PIEZO2: variants seen among roughly 807,000 people sequenced by gnomAD.
The protein encoded by PIEZO2 is piezo-type mechanosensitive ion channel component 2.
A neutral mutation model predicts 337.3 loss-of-function variants in PIEZO2; 172 were observed. The observed-to-expected ratio is 0.51, with a 90% CI of 0.45 to 0.58. PIEZO2 has a LOEUF of 0.58. Among genes scored for constraint, PIEZO2 ranks in the 20% least tolerant of loss-of-function variants. PIEZO2 has a pLI of 0.00. For missense variants in PIEZO2, 3,028 were observed against 3,391.3 expected (o/e 0.89, Z 2.66); for synonymous variants, 1,251 against 1,228.5 (o/e 1.02, Z -0.38).
At chr18:10,897,233 C>A (rs1177893009) in intron 4 of PIEZO2, among the ~76,000 whole-genome samples, 3 of 151,672 alleles carry the variant, frequency 2.0e-5, no homozygotes, top group African/African-American at 4.8e-5. Context: ...GTCTCCCAGG[C>A]TGAAGTGCAG....
chr18:10,689,558 C>T, intron 49 of PIEZO2, 97 bp downstream of exon 49: 2 of 1,543,246 alleles, frequency 1.3e-6, no homozygotes, highest in Non-Finnish European at 1.8e-6. Flanking sequence ...GTTTTTGCCT[C>T]ATGCCTTCAT....
intron 2 of PIEZO2, among the ~76,000 whole-genome samples, chr18:11,019,805 A>G (rs2036247816): frequency 6.6e-6 from 1 of 152,196 alleles, no homozygotes; most frequent in African/African-American, 2.4e-5. Context: ...CTATCTCATC[A>G]TCTTGTTTGT....
intron 7 of PIEZO2, among the ~76,000 whole-genome samples, chr18:10,840,727 A>T (rs1040969792): frequency 6.6e-6 from 1 of 152,214 alleles, no homozygotes; most frequent in Non-Finnish European, 1.5e-5. Flanking sequence ...ATTCTACATA[A>T]ATGAATTGGA....
chr18:10,682,249 T>C lies in PIEZO2; in HGVS notation c.7541A>G (p.Lys2514Arg). Residue 2514 changes from lysine to arginine, a missense_variant, in exon 50 of 56, where the codon AAG becomes AGG. By Grantham distance (26) the Lys-to-Arg change is conservative (BLOSUM62 2). This residue lies in a region of PIEZO2 where 179 missense variants were observed against 281.8 expected (regional missense o/e 0.64). Transcript: ENST00000674853. The surrounding 1 kb of genome is among the most constrained non-coding windows in gnomAD (Gnocchi z 5.6). Reference protein sequence around the residue: ...PRGQKKKKVVKYGMGGMIIVL... With the variant: ...PRGQKKKKVVRYGMGGMIIVL... The stretch of plus-strand genomic sequence containing the variant: ...GATGATCATTCCTCCCATGCCATAC[T>C]TCACCACTTTCTTCTTCTTCTGGCC... 1.3e-6 allele frequency: 2 copies of C among 1,537,228 alleles called. No individual in the cohort carries two copies. Among genetic ancestry groups the C allele is most frequent in the Middle Eastern group, 1.7e-4 (1 of 5,990 alleles).
intron 3 of PIEZO2, among the ~76,000 whole-genome samples, chr18:10,958,196 T>C (rs558530620): frequency 6.8e-4 from 103 of 152,268 alleles, no homozygotes; most frequent in African/African-American, 2.4e-3. Flanking sequence ...TACTATACAG[T>C]CTTTAAAAAG....
At chr18:10,678,008 C>A (rs1456835127) in intron 52 of PIEZO2, 133 bp from the exon 53 acceptor site, 1 of 847,502 alleles carries the variant, frequency 1.2e-6, no homozygotes, top group Non-Finnish European at 1.7e-6. Context: ...CAATCCTGAC[C>A]CTTTCAGTCT....
At chr18:10,909,725 G>T (rs1196344401) in intron 4 of PIEZO2, among the ~76,000 whole-genome samples, 1 of 152,178 alleles carries the variant, frequency 6.6e-6, no homozygotes, top group Non-Finnish European at 1.5e-5. Flanking sequence ...GTATGTTTTA[G>T]ATGTTTCATA....
chr18:10,777,059 T>A (rs2144036957), intron 18 of PIEZO2, among the ~76,000 whole-genome samples: 2 of 152,328 alleles, frequency 1.3e-5, no homozygotes, highest in Middle Eastern at 6.8e-3. Flanking sequence ...ATAATACGCA[T>A]GATGATGAAC....
Position 10,682,379 on chromosome 18 carries a change from C to T in PIEZO2, c.7498-87G>A. ...GGATTGGGGGAGAGCGAGTGCTCTTCCTGTGGTGCTGGGAACATGGATTTG... is the reference window on the plus strand; with the variant it reads ...GGATTGGGGGAGAGCGAGTGCTCTTTCTGTGGTGCTGGGAACATGGATTTG... On this transcript the variant is annotated intron_variant, in intron 49 of 55. Coordinates refer to ENST00000674853, the MANE Select transcript of PIEZO2 (RefSeq NM_001378183.1). This position sits in a 1 kb window ranked among gnomAD's most constrained non-coding sequence, Gnocchi z 5.6. 1 of 1,195,350 alleles carries T rather than the reference C, an allele frequency of 8.4e-7. No individual in the cohort carries two copies. Among genetic ancestry groups the T allele is most frequent in the Non-Finnish European group, 1.2e-6 (1 of 865,756 alleles). 74.0% of individuals were successfully genotyped at this position (1,195,350 alleles called of 1,614,324 possible).
chr18:11,122,317 A>G (rs2040052391), intron 1 of PIEZO2, among the ~76,000 whole-genome samples: 1 of 152,232 alleles, frequency 6.6e-6, no homozygotes. Flanking sequence ...GATAGACATT[A>G]TCAAGATTTA....
chr18:10,765,294 A>G (rs1250927996), intron 21 of PIEZO2, among the ~76,000 whole-genome samples: 2 of 152,212 alleles, frequency 1.3e-5, no homozygotes, highest in Non-Finnish European at 2.9e-5. Flanking sequence ...TGGAGAAGCA[A>G]GTGATTCATT....
chr18:10,815,214 T>C lies in PIEZO2; in HGVS notation c.918-7940A>G, dbSNP rs2040326356. On this transcript the variant is annotated intron_variant, in intron 7 of 55. Transcript: ENST00000674853. The surrounding 1 kb of genome is among the most constrained non-coding windows in gnomAD (Gnocchi z 4.1). Reference sequence around the variant, plus strand: ...AAATTCAAGTGGCACATATTCTACTTAGTATTTTAAAGCACACCTTTTAAA... The same window carrying C: ...AAATTCAAGTGGCACATATTCTACTCAGTATTTTAAAGCACACCTTTTAAA... Among the ~76,000 whole-genome samples, 1 of 152,214 alleles carries C rather than the reference T, an allele frequency of 6.6e-6. No individual in the cohort carries two copies. The highest frequency in any genetic ancestry group is 2.4e-5 in the African/African-American group (1 of 41,448).
At chr18:10,938,659 C>A (rs1362104312) in intron 3 of PIEZO2, among the ~76,000 whole-genome samples, 25 of 151,376 alleles carry the variant, frequency 1.7e-4, no homozygotes, top group Admixed American at 1.6e-3. Flanking sequence ...TTCTTCATGA[C>A]CAGAAAAAAA....
chr18:10,995,619 C>T (rs2035292394), intron 2 of PIEZO2, among the ~76,000 whole-genome samples: 1 of 152,200 alleles, frequency 6.6e-6, no homozygotes, highest in Admixed American at 6.5e-5. Flanking sequence ...TACACAAACC[C>T]ATTCTGGAGA....
chr18:11,127,901 A>G lies in PIEZO2; in HGVS notation c.64+20624T>C, dbSNP rs1200217572. On this transcript the variant is annotated intron_variant, in intron 1 of 55. Coordinates refer to ENST00000674853, the MANE Select transcript of PIEZO2 (RefSeq NM_001378183.1). This position sits in a 1 kb window ranked among gnomAD's most constrained non-coding sequence, Gnocchi z 4.5. ...TCAGGAGTGGTTCTAGAGGAACAGA[A>G]TATTAAGGATGGAGTTCTTTCGTTG... Among the ~76,000 whole-genome samples, 2 of 151,436 alleles carry G rather than the reference A, an allele frequency of 1.3e-5. No homozygotes were observed. Among genetic ancestry groups the G allele is most frequent in the Non-Finnish European group, 2.9e-5 (2 of 67,952 alleles).
intron 3 of PIEZO2, among the ~76,000 whole-genome samples, chr18:10,948,948 G>A (rs1427472098): frequency 6.6e-6 from 1 of 152,110 alleles, no homozygotes. Flanking sequence ...CCAGCCTTTT[G>A]TAAACAGGTT....
rs1273090295 is a variant in PIEZO2, at chr18:10,726,623, G to A, written c.5029+4784C>T. The A allele has an allele frequency of 2.8e-6, 2 of 717,192 alleles. No individual in the cohort carries two copies. The highest frequency in any genetic ancestry group is 1.2e-4 in the African/African-American group (2 of 17,108). 44.4% of individuals were successfully genotyped at this position (717,192 alleles called of 1,614,324 possible). A position where few individuals can be genotyped will look rare whatever the true frequency, so the allele number is the denominator to read the frequency against. ...CGCTACGTGCGGGACGCCGACGTGCGCTGGGAGTACTGCGCGCGCGCCAAG... is the reference window on the plus strand; with the variant it reads ...CGCTACGTGCGGGACGCCGACGTGCACTGGGAGTACTGCGCGCGCGCCAAG... On this transcript the variant is annotated intron_variant, in intron 36 of 55. Transcript: ENST00000674853. This position sits in a 1 kb window ranked among gnomAD's most constrained non-coding sequence, Gnocchi z 5.9.
intron 3 of PIEZO2, among the ~76,000 whole-genome samples, chr18:10,912,161 G>T (rs1458151260): frequency 2.0e-5 from 3 of 151,944 alleles, no homozygotes; most frequent in South Asian, 4.2e-4. Context: ...GGACAGCTGG[G>T]TATAAAAAAG....
chr18:11,052,279 C>T (rs2037560822), intron 2 of PIEZO2, among the ~76,000 whole-genome samples: 1 of 152,194 alleles, frequency 6.6e-6, no homozygotes, highest in Admixed American at 6.5e-5. Context: ...CAAATGGATA[C>T]TGCTTGACTT....
Sources: gnomAD v4.1 joint callset for allele counts (sites outside exome capture counted in the v4.1 genomes callset) on GRCh38, gnomAD v4.1.1 for gene constraint, gnomAD v4.1.1 regional missense constraint, Gnocchi (gnomAD v3.1) non-coding constraint, MANE v1.5 for transcripts, NCBI Gene and HGNC (gene_info 2026-07-23, HGNC 2026-07-21) for gene names.